The following PCDHA4 variants were observed in gnomAD, a reference collection of about 807,000 sequenced individuals.
PCDHA4 encodes the protein protocadherin alpha-4.
In PCDHA4, 49 loss-of-function variants were observed where a neutral mutation model predicts 61.4. The observed-to-expected ratio is 0.80, with a 90% CI of 0.63 to 1.01. PCDHA4 has a LOEUF of 1.01. Ranked by LOEUF, PCDHA4 falls within the 50% of genes least tolerant of loss-of-function variation. The pLI is 0.00. For missense variants in PCDHA4, 1,254 were observed against 1,235.8 expected (o/e 1.01, Z -0.22); for synonymous variants, 590 against 550.3 (o/e 1.07, Z -1.01).
chr5:140,869,502 C>T lies in PCDHA4; in HGVS notation c.2385+59930C>T, dbSNP rs2051182557. 3 of 1,614,090 alleles carry T rather than the reference C, an allele frequency of 1.9e-6. No homozygotes were observed. In the African/African-American group the frequency reaches 4.0e-5, roughly 22 times the overall value. On this transcript the variant is annotated intron_variant, in intron 1 of 3. Transcript: ENST00000530339. Reference sequence around the variant, plus strand: ...ACATTAACGACAACCCGCCGGTGTTCTCGCTCAGAGAACAAAAGCTGCTGA... The same window carrying T: ...ACATTAACGACAACCCGCCGGTGTTTTCGCTCAGAGAACAAAAGCTGCTGA...
intron 1 of PCDHA4, among the ~76,000 whole-genome samples, chr5:140,955,285 G>T (rs2095164466): frequency 6.6e-6 from 1 of 151,896 alleles, no homozygotes; most frequent in Non-Finnish European, 1.5e-5. Context: ...ATATTGATAT[G>T]GTTTGGCTGT....
chr5:140,971,805 T>C (rs938421537), intron 1 of PCDHA4, among the ~76,000 whole-genome samples: 1 of 152,166 alleles, frequency 6.6e-6, no homozygotes, highest in Non-Finnish European at 1.5e-5. Flanking sequence ...AATATTATAA[T>C]ATTGAATACA....
intron 1 of PCDHA4, chr5:140,862,950 G>A (rs559605019): frequency 1.1e-4 from 59 of 541,460 alleles, no homozygotes; most frequent in Non-Finnish European, 2.1e-4. Flanking sequence ...GAGCTGGTGC[G>A]GTATTCAGTG....
chr5:140,834,911 G>A (rs2150228953), intron 1 of PCDHA4: 44 of 1,595,108 alleles, frequency 2.8e-5, no homozygotes, highest in Non-Finnish European at 4.3e-6. Context: ...GCCCCAATGA[G>A]TATTTCTTCC....
intron 1 of PCDHA4, chr5:140,822,382 G>C: frequency 6.2e-7 from 1 of 1,614,100 alleles, no homozygotes; most frequent in Non-Finnish European, 8.5e-7. Context: ...AGATAGAGAA[G>C]AAACACAAGA....
intron 1 of PCDHA4, chr5:140,841,216 G>T: frequency 7.1e-7 from 1 of 1,417,674 alleles, no homozygotes; most frequent in South Asian, 1.4e-5. Flanking sequence ...GTCTCTAAAG[G>T]CCGAACAACG....
At chr5:140,843,011 G>A (rs2150350118) in intron 1 of PCDHA4, 1 of 1,595,080 alleles carries the variant, frequency 6.3e-7, no homozygotes, top group Admixed American at 1.7e-5. Flanking sequence ...CAACGCGCCG[G>A]CACTGCTGGA....
At chr5:140,835,944 C>T (rs2150248798) in intron 1 of PCDHA4, 2 of 1,612,686 alleles carry the variant, frequency 1.2e-6, no homozygotes, top group Admixed American at 1.7e-5. Flanking sequence ...GTACGCGCTG[C>T]AGCCGTTGGA....
chr5:140,923,152 T>C (rs2153567399), intron 1 of PCDHA4, among the ~76,000 whole-genome samples: 1 of 152,204 alleles, frequency 6.6e-6, no homozygotes, highest in South Asian at 2.1e-4. Context: ...TAAAAAAAAT[T>C]ATAGAAAGAT....
rs2086150778 is a variant in PCDHA4, at chr5:140,929,428, G to C, written c.2386-49521G>C. ...AGCCTTTCACAACATTTCATCAATT[G>C]AACTAAACACTCCTTCTTAGCACTT... On this transcript the variant is annotated intron_variant, in intron 1 of 3. Coordinates refer to ENST00000530339, the MANE Select transcript of PCDHA4 (RefSeq NM_018907.4). 4 of 1,491,484 alleles carry C rather than the reference G, an allele frequency of 2.7e-6. No homozygotes were observed. The East Asian group carries it at 6.9e-5, about 26-fold the overall frequency. 92.4% of individuals were successfully genotyped at this position (1,491,484 alleles called of 1,614,324 possible). A position where few individuals can be genotyped will look rare whatever the true frequency, so the allele number is the denominator to read the frequency against.
chr5:140,828,269 G>T (rs2150153338), intron 1 of PCDHA4: 1 of 1,614,058 alleles, frequency 6.2e-7, no homozygotes, highest in Admixed American at 1.7e-5. Context: ...GGCGGAGCTG[G>T]TGCCGCGCCT....
At chr5:140,976,338 G>A (rs1554237535) in intron 1 of PCDHA4, among the ~76,000 whole-genome samples, 1 of 152,018 alleles carries the variant, frequency 6.6e-6, no homozygotes, top group Non-Finnish European at 1.5e-5. Flanking sequence ...ATTGCCTGAG[G>A]TCAGGTGTTC....
chr5:141,000,389 C>CTATATA (rs2097911342), intron 3 of PCDHA4, among the ~76,000 whole-genome samples: 2 of 62,586 alleles, frequency 3.2e-5, no homozygotes, highest in African/African-American at 7.0e-5. Flanking sequence ...CTCTCTCTCT[C>CTATATA]TCTCTCTATA....
At chr5:140,985,129 G>T (rs545746675) in intron 3 of PCDHA4, among the ~76,000 whole-genome samples, 15 of 152,188 alleles carry the variant, frequency 9.9e-5, no homozygotes, top group Admixed American at 8.5e-4. Context: ...AGTAAAGACG[G>T]GGTTTCACCG....
At chr5:140,977,301 G>T (rs1478869150) in intron 1 of PCDHA4, among the ~76,000 whole-genome samples, 1 of 152,208 alleles carries the variant, frequency 6.6e-6, no homozygotes, top group Non-Finnish European at 1.5e-5. Context: ...CAGCTGACAA[G>T]CTAACGATAG....
intron 1 of PCDHA4, among the ~76,000 whole-genome samples, chr5:140,961,393 G>C (rs1224822152): frequency 6.6e-6 from 1 of 152,104 alleles, no homozygotes; most frequent in African/African-American, 2.4e-5. Context: ...TATTCCATTA[G>C]TAAACACTTT....
chr5:140,927,265 C>G lies in PCDHA4; in HGVS notation c.2386-51684C>G, dbSNP rs2084026948. The G allele has an allele frequency of 6.2e-7, 1 of 1,614,168 alleles. No individual in the cohort carries two copies. Among genetic ancestry groups the G allele is most frequent in the Non-Finnish European group, 8.5e-7 (1 of 1,180,038 alleles). On this transcript the variant is annotated intron_variant, in intron 1 of 3. Coordinates refer to ENST00000530339, the MANE Select transcript of PCDHA4 (RefSeq NM_018907.4). ...CACCAATGACAACTCACCTCTCTTTCCTGCCGGCGACGTGCAGCTGCACAT... is the reference window on the plus strand; with the variant it reads ...CACCAATGACAACTCACCTCTCTTTGCTGCCGGCGACGTGCAGCTGCACAT...
chr5:140,823,039 C>T lies in PCDHA4; in HGVS notation c.2385+13467C>T, dbSNP rs2150121601. On this transcript the variant is annotated intron_variant, in intron 1 of 3. Coordinates refer to ENST00000530339, the MANE Select transcript of PCDHA4 (RefSeq NM_018907.4). ...CCGCGAGAGCGTGTCGGTCTATGAGCTGGTGGTGACCGCGCGGGACGGGGG... is the reference window on the plus strand; with the variant it reads ...CCGCGAGAGCGTGTCGGTCTATGAGTTGGTGGTGACCGCGCGGGACGGGGG... 14 of 1,614,092 alleles carry T rather than the reference C, an allele frequency of 8.7e-6. 1 individual carries two copies. The South Asian group carries it at 1.1e-4, about 13-fold the overall frequency.
chr5:140,853,887 A>T lies in PCDHA4; in HGVS notation c.2385+44315A>T, dbSNP rs945674058. ...TGACAGTGCAAGTTTCTGTAATTTAAAAAGATGTGGTGGCCTGACACCTGC... is the reference window on the plus strand; with the variant it reads ...TGACAGTGCAAGTTTCTGTAATTTATAAAGATGTGGTGGCCTGACACCTGC... On this transcript the variant is annotated intron_variant, in intron 1 of 3. Transcript: ENST00000530339. 4 of 979,374 alleles carry T rather than the reference A, an allele frequency of 4.1e-6. 1 individual carries two copies. The Admixed American group carries it at 1.9e-4, about 46-fold the overall frequency. 60.7% of individuals were successfully genotyped at this position (979,374 alleles called of 1,614,324 possible).
Sources: allele counts gnomAD v4.1 joint callset (sites outside exome capture counted in the v4.1 genomes callset), GRCh38; gene constraint gnomAD v4.1.1; transcripts MANE v1.5; gene names NCBI Gene and HGNC (gene_info 2026-07-23, HGNC 2026-07-21).